The following SGCZ variants were observed in gnomAD, a reference collection of about 807,000 sequenced individuals.
SGCZ encodes sarcoglycan zeta.
In SGCZ, 40 loss-of-function variants were observed where a neutral mutation model predicts 41.3. The observed-to-expected ratio is 0.97, with a 90% CI of 0.75 to 1.26. The LOEUF (loss-of-function observed/expected upper bound fraction) is 1.26, where lower values mean the gene tolerates loss of function less well. Ranked by LOEUF, SGCZ falls within the 50% of genes most tolerant of loss-of-function variation. The pLI, the probability that SGCZ is intolerant of heterozygous loss-of-function variation, is 0.00. For synonymous variants in SGCZ, 206 were observed against 137.5 expected (o/e 1.50, Z -3.49); for missense variants, 552 against 369.8 (o/e 1.49, Z -4.04).
intron 5 of SGCZ, among the ~76,000 whole-genome samples, chr8:14,113,867 T>G (rs180783847): frequency 1.3e-5 from 2 of 152,186 alleles, no homozygotes; most frequent in African/African-American, 4.8e-5. Context: ...ACAAGACAAC[T>G]CATGAGAACC....
intron 3 of SGCZ, among the ~76,000 whole-genome samples, chr8:14,249,245 G>A (rs1435288506): frequency 6.6e-6 from 1 of 152,084 alleles, no homozygotes; most frequent in Non-Finnish European, 1.5e-5. Flanking sequence ...GTCTTCTCTT[G>A]CTTTTGAATT....
chr8:14,425,615 C>G (rs1799759567), intron 2 of SGCZ, among the ~76,000 whole-genome samples: 1 of 145,808 alleles, frequency 6.9e-6, no homozygotes, highest in Non-Finnish European at 1.5e-5. Flanking sequence ...AGGGAGAATC[C>G]CTCTCAAAAA....
rs1190940944 is a variant in SGCZ at position 14,147,660 on chromosome 8, C to G, written c.547+16920G>C. On this transcript the variant is annotated intron_variant, in intron 5 of 7. Coordinates refer to ENST00000382080, the MANE Select transcript of SGCZ (RefSeq NM_139167.4). Reference sequence around the variant, plus strand: ...TTCAGCATTGGACCTATCCTCGAGACAGAAAATAAAGAAGCATCTGACTTA... The same window carrying G: ...TTCAGCATTGGACCTATCCTCGAGAGAGAAAATAAAGAAGCATCTGACTTA... Among the ~76,000 whole-genome samples the G allele has an allele frequency of 5.9e-5, 9 of 152,056 alleles. No homozygotes were observed. The East Asian group carries it at 1.7e-3, about 29-fold the overall frequency.
In SGCZ at chr8:14,154,281, A is replaced by G. The variant is rs538592095; in HGVS notation, c.547+10299T>C. Among the ~76,000 whole-genome samples, 17 of 152,240 alleles carry G rather than the reference A, an allele frequency of 1.1e-4. No individual in the cohort carries two copies. In the East Asian group the frequency reaches 3.1e-3, roughly 28 times the overall value. On this transcript the variant is annotated intron_variant, in intron 5 of 7. Transcript: ENST00000382080. ...GCTAGCAGGAGGCTGAGGCAGGAGA[A>G]TGGCATGAACCCAGGAGGCAGAGGG...
At chr8:14,818,810 A>G (rs945855283) in intron 1 of SGCZ, among the ~76,000 whole-genome samples, 4 of 152,076 alleles carry the variant, frequency 2.6e-5, no homozygotes, top group African/African-American at 9.7e-5. Flanking sequence ...TCAAGAACAG[A>G]TTAGATCAAG....
rs767275078 is a variant in SGCZ at position 14,324,156 on chromosome 8, C to T, written c.283G>A (p.Gly95Ser). ...AATGGAAGTAGAAACTCAGATATACCTTCAAGTCGGATTCCCTTCTTGGTG... is the reference window on the plus strand; with the variant it reads ...AATGGAAGTAGAAACTCAGATATACTTTCAAGTCGGATTCCCTTCTTGGTG... The part of the protein sequence containing the change: ...RVTKKGIRLE[G>S]ISEFLLPLYV... Residue 95 changes from glycine to serine, a missense_variant, in exon 3 of 8, where the codon GGT (glycine) becomes AGT (serine). By Grantham distance (56) the Gly-to-Ser change is moderately conservative. Coordinates refer to ENST00000382080, the MANE Select transcript of SGCZ (RefSeq NM_139167.4). 6.2e-7 allele frequency: 1 copy of T among 1,613,020 alleles called. No individual in the cohort carries two copies. Among genetic ancestry groups the T allele is most frequent in the Admixed American group, 1.7e-5 (1 of 59,962 alleles).
intron 3 of SGCZ, among the ~76,000 whole-genome samples, chr8:14,291,064 A>G (rs1800824073): frequency 6.6e-6 from 1 of 152,084 alleles, no homozygotes; most frequent in Admixed American, 6.6e-5. Context: ...GAGGACATTA[A>G]GTAAAATAAG....
chr8:14,444,887 G>T (rs966241701), intron 2 of SGCZ, among the ~76,000 whole-genome samples: 8 of 152,174 alleles, frequency 5.3e-5, no homozygotes, highest in Admixed American at 2.6e-4. Context: ...ATACCTGTGG[G>T]ACTAATAAAA....
At chr8:14,939,221 T>G (rs1037284399) in intron 1 of SGCZ, among the ~76,000 whole-genome samples, 1 of 152,092 alleles carries the variant, frequency 6.6e-6, no homozygotes, top group Non-Finnish European at 1.5e-5. Flanking sequence ...GGACTTGAGT[T>G]AGTCCTGACC....
chr8:15,005,735 T>C (rs1802591050), intron 1 of SGCZ, among the ~76,000 whole-genome samples: 2 of 152,018 alleles, frequency 1.3e-5, no homozygotes, highest in South Asian at 4.1e-4. Context: ...AAGAAGCAAA[T>C]TGAACCTTAG....
chr8:14,903,026 T>G (rs188865428), intron 1 of SGCZ, among the ~76,000 whole-genome samples: 2 of 152,158 alleles, frequency 1.3e-5, no homozygotes, highest in African/African-American at 4.8e-5. Context: ...AGTATATAAA[T>G]AGCTCTGAAG....
chr8:14,824,517 C>A (rs1026697661), intron 1 of SGCZ, among the ~76,000 whole-genome samples: 2 of 152,032 alleles, frequency 1.3e-5, no homozygotes, highest in African/African-American at 2.4e-5. Flanking sequence ...AGGATGTACT[C>A]TTGATATGAC....
chr8:14,849,046 G>T (rs554761022), intron 1 of SGCZ, among the ~76,000 whole-genome samples: 1 of 152,004 alleles, frequency 6.6e-6, no homozygotes, highest in East Asian at 1.9e-4. Context: ...ACCAAATAAG[G>T]TATATGGATG....
At chr8:14,554,126 T>A (rs1314341269) in intron 2 of SGCZ, among the ~76,000 whole-genome samples, 1 of 152,042 alleles carries the variant, frequency 6.6e-6, no homozygotes, top group Non-Finnish European at 1.5e-5. Context: ...ATTTTGTAAT[T>A]AGTTACTTTT....
intron 2 of SGCZ, among the ~76,000 whole-genome samples, chr8:14,514,783 A>ATGTGTGTGTG (rs200862544): frequency 2.0e-5 from 2 of 100,386 alleles, no homozygotes; most frequent in African/African-American, 6.6e-5. Context: ...ATATATGTAA[A>ATGTGTGTGTG]TGTGTGTGTG....
intron 1 of SGCZ, among the ~76,000 whole-genome samples, chr8:14,679,504 TATTATATATATAC>T (rs1271454480): frequency 1.0e-5 from 1 of 97,130 alleles, no homozygotes; most frequent in Non-Finnish European, 2.4e-5. Context: ...TATACATATA[TATTATATATATAC>T]ACACATATAT....
At chr8:14,482,901 C>T (rs1401189459) in intron 2 of SGCZ, among the ~76,000 whole-genome samples, 1 of 152,046 alleles carries the variant, frequency 6.6e-6, no homozygotes, top group Non-Finnish European at 1.5e-5. Context: ...TCCCCTGGGT[C>T]TCCGTTTGCA....
Position 14,991,020 on chromosome 8 carries a change from T to A in SGCZ, c.39+246565A>T, listed in dbSNP as rs528301628. 3.3e-5 allele frequency among the ~76,000 whole-genome samples: 5 copies of A among 152,264 alleles called. No individual in the cohort carries two copies. In the South Asian group the frequency reaches 6.2e-4, roughly 19 times the overall value. On this transcript the variant is annotated intron_variant, in intron 1 of 7. Coordinates refer to ENST00000382080, the MANE Select transcript of SGCZ (RefSeq NM_139167.4). ...GCTTACACATGATTGTTTATTTGCATTGAAAAATGCAAAAGACTATTAAAA... is the reference window on the plus strand; with the variant it reads ...GCTTACACATGATTGTTTATTTGCAATGAAAAATGCAAAAGACTATTAAAA...
intron 1 of SGCZ, among the ~76,000 whole-genome samples, chr8:14,639,607 A>T (rs956737699): frequency 6.6e-6 from 1 of 151,750 alleles, no homozygotes; most frequent in African/African-American, 2.4e-5. Context: ...TCATGTATCT[A>T]TTCATGTATA....
Sources: allele counts gnomAD v4.1 joint callset (sites outside exome capture counted in the v4.1 genomes callset), GRCh38; gene constraint gnomAD v4.1.1; transcripts MANE v1.5; gene names NCBI Gene and HGNC (gene_info 2026-07-23, HGNC 2026-07-21).